Variants in MGAM observed in about 807,000 individuals in gnomAD.
MGAM encodes alpha-1,4-glucosidase.
In MGAM, 253 loss-of-function variants were observed where a neutral mutation model predicts 358.8. The ratio of observed to expected loss-of-function variants is 0.71; its 90% confidence interval spans 0.64 to 0.78. The LOEUF is 0.78. Ranked by LOEUF, MGAM falls within the 30% of genes least tolerant of loss-of-function variation. The pLI, the probability that MGAM is intolerant of heterozygous loss-of-function variation, is 0.00. For synonymous variants in MGAM, 1,105 were observed against 1,227.1 expected (o/e 0.90, Z 2.08); for missense variants, 3,080 against 3,432.6 (o/e 0.90, Z 2.57).
Position 142,095,647 on chromosome 7 carries a change from A to G in MGAM, c.7541A>G (p.Tyr2514Cys), listed in dbSNP as rs1248493518. The G allele has an allele frequency of 4.8e-5, 78 of 1,613,802 alleles. No individual in the cohort carries two copies. The Admixed American group carries it at 1.3e-3, about 27-fold the overall frequency. The change falls in exon 64 of 71, where the codon TAT (tyrosine) becomes TGT (cysteine). Residue 2514 changes from tyrosine to cysteine, a missense_variant. Physicochemically the swap from Tyr to Cys is radical, Grantham distance 194. Transcript: ENST00000475668. Reference sequence around the variant, plus strand: ...CAGACCAGATACACCCTGTTGCCATATCTGTATACCTTGATGCATAAGGCC... The same window carrying G: ...CAGACCAGATACACCCTGTTGCCATGTCTGTATACCTTGATGCATAAGGCC... The part of the protein sequence containing the change: ...VLQTRYTLLP[Y>C]LYTLMHKAHT...
intron 59 of MGAM, 98 bp downstream of exon 59, chr7:142,092,706 A>T (rs1470511272): frequency 3.6e-6 from 4 of 1,111,888 alleles, no homozygotes; most frequent in Non-Finnish European, 5.2e-6. Context: ...AGCTCAGGGC[A>T]CATCCTCATG....
chr7:142,052,658 A>T (rs562430325), intron 25 of MGAM, 126 bp from the exon 26 acceptor site: 64 of 1,355,982 alleles, frequency 4.7e-5, no homozygotes, highest in Non-Finnish European at 6.3e-5. Flanking sequence ...AATTTATGTT[A>T]TTGCCAAGTG....
Position 142,078,935 on chromosome 7 carries a change from C to T in MGAM, c.5774C>T (p.Ala1925Val), listed in dbSNP as rs776102522. The T allele has an allele frequency of 6.4e-7, 1 of 1,556,022 alleles. No individual in the cohort carries two copies. The part of the protein sequence containing the change: ...ISLKSSVHAN[A>V]FPSTPVNPLR... ...TTAAAGTCTTCTGTTCATGCCAATG[C>T]CTTCCCTTCCACACCCGTGAACCCC... The change falls in exon 49 of 71, where the codon GCC becomes GTC. Residue 1925 changes from alanine (A) to valine (V), a missense_variant. Ala to Val is a moderately conservative substitution (Grantham distance 64, BLOSUM62 0). This residue lies in a region of MGAM where 932 missense variants were observed against 1,198.2 expected (regional missense o/e 0.78). Transcript: ENST00000475668.
Position 142,065,948 on chromosome 7 carries a change from T to G in MGAM, c.4770+117T>G, listed in dbSNP as rs549897583. On this transcript the variant is annotated intron_variant, in intron 40 of 70. Coordinates refer to ENST00000475668, the MANE Select transcript of MGAM (RefSeq NM_001365693.1). ...GGATATCTTTAAAAAAAGGTGTTTT[T>G]TTTTGTTTTGTTTTGTTTTGTTTTT... 9.0e-5 allele frequency: 76 copies of G among 839,830 alleles called. 6 individuals are homozygous for G. The highest frequency in any genetic ancestry group is 8.5e-4 in the East Asian group (30 of 35,150). The allele number at this position is 839,830 out of a possible 1,614,324, so 52.0% of individuals were successfully genotyped here. A position where few individuals can be genotyped will look rare whatever the true frequency, so the allele number is the denominator to read the frequency against.
intron 68 of MGAM, among the ~76,000 whole-genome samples, chr7:142,101,651 A>G (rs1816451107): frequency 6.6e-6 from 1 of 151,626 alleles, no homozygotes; most frequent in Admixed American, 6.6e-5. Context: ...CACGCCTGTA[A>G]TCCCAGCACT....
chr7:142,015,230 T>C lies in MGAM; in HGVS notation c.328-3969T>C, dbSNP rs76940461. Reference sequence around the variant, plus strand: ...CGATTTTATATTGAGATGTTTATCTTCTTGATGTGTACAGTCTTCCCGTTT... The same window carrying C: ...CGATTTTATATTGAGATGTTTATCTCCTTGATGTGTACAGTCTTCCCGTTT... On this transcript the variant is annotated intron_variant, in intron 3 of 70. Coordinates refer to ENST00000475668, the MANE Select transcript of MGAM (RefSeq NM_001365693.1). Among the ~76,000 whole-genome samples the C allele has an allele frequency of 3.3e-3, 505 of 152,256 alleles. 15 individuals carry two copies. The South Asian group carries it at 0.059, about 18-fold the overall frequency.
chr7:142,093,488 C>T lies in MGAM; in HGVS notation c.7110C>T (p.Ser2370=), dbSNP rs1482758010. The T allele has an allele frequency of 6.6e-7, 1 of 1,518,556 alleles. No homozygotes were observed. Among genetic ancestry groups the T allele is most frequent in the Non-Finnish European group, 9.0e-7 (1 of 1,113,210 alleles). The allele number at this position is 1,518,556 out of a possible 1,614,324, so 94.1% of individuals were successfully genotyped here. A position where few individuals can be genotyped will look rare whatever the true frequency, so the allele number is the denominator to read the frequency against. Residue 2370 remains serine, a synonymous_variant, in exon 60 of 71, where the codon TCC becomes TCT. Coordinates refer to ENST00000475668, the MANE Select transcript of MGAM (RefSeq NM_001365693.1). ...GTCAGCAGATCCTCCCAGACGGCTC[C>T]CCGGTGCAGCACTACAATGTGCACA... The part of the protein sequence containing the change: ...MESQQILPDG[S]PVQHYNVHNL...
chr7:142,038,146 T>G (rs1330928815), intron 18 of MGAM, among the ~76,000 whole-genome samples: 1 of 152,192 alleles, frequency 6.6e-6, no homozygotes, highest in Non-Finnish European at 1.5e-5. Context: ...TGAAAACATG[T>G]GATGTTTGTC....
At chr7:142,048,520 T>TTTTTTTTTTTTTTTTTTTTTTTTTTTTTG (rs1563163870) in intron 22 of MGAM, among the ~76,000 whole-genome samples, 71 of 151,448 alleles carry the variant, frequency 4.7e-4, no homozygotes, top group East Asian at 5.8e-4. Flanking sequence ...AACCCAATGT[T>TTTTTTTTTTTTTTTTTTTTTTTTTTTTTG]AATGTCTTCC....
chr7:142,101,100 C>T (rs973323449), intron 68 of MGAM, among the ~76,000 whole-genome samples: 2 of 152,150 alleles, frequency 1.3e-5, no homozygotes, highest in African/African-American at 4.8e-5. Context: ...CATTATGCAA[C>T]CTTTGTAATC....
At position 142,054,965 on chromosome 7, in the gene MGAM, G is replaced by A. The variant is rs540663403; in HGVS notation, c.3314+57G>A. 3.2e-6 allele frequency: 5 copies of A among 1,568,086 alleles called. No individual in the cohort carries two copies. The East Asian group carries it at 9.0e-5, about 28-fold the overall frequency. Reference sequence around the variant, plus strand: ...TGGCTACCTGCGCCTTCGCTGCCAGGTCCATTGTCCTTGGATGTATCCTGG... The same window carrying A: ...TGGCTACCTGCGCCTTCGCTGCCAGATCCATTGTCCTTGGATGTATCCTGG... On this transcript the variant is annotated intron_variant, in intron 27 of 70. Transcript: ENST00000475668.
rs782468231 is a variant in MGAM, at chr7:142,008,615, A to C, written c.237A>C (p.Gly79=). The C allele has an allele frequency of 5.0e-6, 8 of 1,613,424 alleles. No individual in the cohort carries two copies. In the South Asian group the frequency reaches 7.7e-5, roughly 16 times the overall value. Reference sequence around the variant, plus strand: ...GGACAACGGGTCCCCCAGATCCTGGAACAACTGGTACCACTCCTGTTTCTG... The same window carrying C: ...GGACAACGGGTCCCCCAGATCCTGGCACAACTGGTACCACTCCTGTTTCTG... ...HARTTGPPDP[G]TTGTTPVSAE... is the part of the protein sequence containing the mutation. Residue 79 remains glycine, a synonymous_variant, in exon 3 of 71, where the codon GGA becomes GGC. Coordinates refer to ENST00000475668, the MANE Select transcript of MGAM (RefSeq NM_001365693.1).
intron 67 of MGAM, 111 bp from the exon 68 acceptor site, chr7:142,100,691 G>T: frequency 1.1e-6 from 1 of 893,002 alleles, no homozygotes; most frequent in South Asian, 1.4e-5. Context: ...CTAGTATGCA[G>T]TCTTTATCCC....
intron 47 of MGAM, 135 bp downstream of exon 47, chr7:142,076,961 C>T (rs1813803230): frequency 3.0e-6 from 3 of 986,476 alleles, no homozygotes; most frequent in South Asian, 3.0e-5. Context: ...TGAGAGGGCA[C>T]CTTTGATGCC....
chr7:142,065,338 C>T lies in MGAM; in HGVS notation c.4488C>T (p.Ala1496=), dbSNP rs542520988. Residue 1496 remains alanine (A), a synonymous_variant, in exon 38 of 71, where the codon GCC becomes GCT. Coordinates refer to ENST00000475668, the MANE Select transcript of MGAM (RefSeq NM_001365693.1). ...GWSQTRPTYE[A]VQEVTGQRGV... ...CCTCCTGTTCCCTTCCAAGCAGAGC[C>T]GTGCAGGAGGTGACGGGACAGCGAG... is the stretch of plus-strand genomic sequence containing the variant. 5.0e-5 allele frequency: 81 copies of T among 1,608,632 alleles called. No homozygotes were observed. Among genetic ancestry groups the T allele is most frequent in the East Asian group, 2.5e-4 (11 of 44,582 alleles).
At chr7:142,046,126 T>C (rs1373512360) in intron 21 of MGAM, among the ~76,000 whole-genome samples, 3 of 145,106 alleles carry the variant, frequency 2.1e-5, no homozygotes, top group Non-Finnish European at 3.0e-5. Context: ...ATATATTTAT[T>C]ATATATTTAT....
Position 142,020,367 on chromosome 7 carries a change from G to A in MGAM, c.449-607G>A, listed in dbSNP as rs137891227. Among the ~76,000 whole-genome samples the A allele has an allele frequency of 7.9e-5, 12 of 152,144 alleles. No homozygotes were observed. In the East Asian group the frequency reaches 2.1e-3, roughly 27 times the overall value. ...ATGTAAAGGGTATCTAATTAATACC[G>A]AATGACTGATGGGCCTGTGGAATGA... On this transcript the variant is annotated intron_variant, in intron 4 of 70. Transcript: ENST00000475668.
chr7:142,065,359 G>T lies in MGAM; in HGVS notation c.4509G>T (p.Gln1503His). The change falls in exon 38 of 71, where the codon CAG (glutamine) becomes CAT (histidine). Residue 1503 changes from glutamine (Q) to histidine (H), a missense_variant. Physicochemically the swap from Gln to His is conservative, Grantham distance 24. Transcript: ENST00000475668. ...GAGCCGTGCAGGAGGTGACGGGACA[G>T]CGAGGGGTCGTCATCACCCGCTCCA... ...TYEAVQEVTGQRGVVITRSTF... is the reference protein window; with the variant it reads ...TYEAVQEVTGHRGVVITRSTF... 6.2e-7 allele frequency: 1 copy of T among 1,610,164 alleles called. No homozygotes were observed. The highest frequency in any genetic ancestry group is 8.5e-7 in the Non-Finnish European group (1 of 1,178,480).
Position 142,030,623 on chromosome 7 carries a change from T to C in MGAM, c.1354-18T>C. 1 of 1,605,006 alleles carries C rather than the reference T, an allele frequency of 6.2e-7. No individual in the cohort carries two copies. The highest frequency in any genetic ancestry group is 8.5e-7 in the Non-Finnish European group (1 of 1,171,868). ...CGGTTTCCAGCTAGTTTGTTCATTG[T>C]ATTCTTCCTATTTTTAGGATCCAGC... On this transcript the variant is annotated intron_variant, in intron 11 of 70. Coordinates refer to ENST00000475668, the MANE Select transcript of MGAM (RefSeq NM_001365693.1).
Sources: gnomAD v4.1 joint callset for allele counts (sites outside exome capture counted in the v4.1 genomes callset) on GRCh38, gnomAD v4.1.1 for gene constraint, gnomAD v4.1.1 regional missense constraint, MANE v1.5 for transcripts, NCBI Gene and HGNC (gene_info 2026-07-23, HGNC 2026-07-21) for gene names.